PLXNA2: variants seen among roughly 807,000 people sequenced by gnomAD.
PLXNA2 encodes the protein plexin-A2.
Under a neutral mutation model 193.5 loss-of-function variants are expected in PLXNA2, and 91 were observed. The observed-to-expected ratio is 0.47, with a 90% confidence interval of 0.40 to 0.56. The LOEUF is 0.56. PLXNA2 is among the 20% of genes least tolerant of loss of function. The probability of loss-of-function intolerance (pLI) is 0.00; values close to 1 mark genes in which losing one functional copy is unlikely to be tolerated. For missense variants in PLXNA2, 1,995 were observed against 2,503.2 expected, an observed-to-expected ratio of 0.80 and a Z score of 4.33; for synonymous variants, 997 against 1,027.3, an observed-to-expected ratio of 0.97 and a Z score of 0.56.
At chr1:208,144,457 C>A (rs1049843685) in intron 3 of PLXNA2, among the ~76,000 whole-genome samples, 4 of 152,186 alleles carry the variant, frequency 2.6e-5, no homozygotes, top group Admixed American at 2.6e-4. Flanking sequence ...GGGAAACAGA[C>A]CATGAGTCCA....
At chr1:208,219,580 C>T (rs1671255591) in intron 1 of PLXNA2, among the ~76,000 whole-genome samples, 2 of 152,248 alleles carry the variant, frequency 1.3e-5, no homozygotes, top group African/African-American at 4.8e-5. Flanking sequence ...TCTCCCTCAA[C>T]TCCCCATTCT....
intron 4 of PLXNA2, among the ~76,000 whole-genome samples, chr1:208,110,674 G>T (rs890842597): frequency 6.6e-6 from 1 of 152,130 alleles, no homozygotes; most frequent in Non-Finnish European, 1.5e-5. Context: ...CTTAAGTAAC[G>T]CAGGTAAGGT....
intron 1 of PLXNA2, among the ~76,000 whole-genome samples, chr1:208,221,631 G>A (rs1671341336): frequency 6.6e-6 from 1 of 152,056 alleles, no homozygotes; most frequent in Admixed American, 6.5e-5. Context: ...TTGGGAGTGT[G>A]GCCTTCATGA....
At chr1:208,098,998 CA>C (rs1342040216) in intron 5 of PLXNA2, 29 bp from the exon 6 acceptor site, 2 of 1,610,430 alleles carry the variant, frequency 1.2e-6, no homozygotes, top group African/African-American at 2.7e-5. Flanking sequence ...CACAAGAGGT[CA>C]GGCCTCTGGG....
At chr1:208,074,313 C>T (rs1360197198) in intron 12 of PLXNA2, among the ~76,000 whole-genome samples, 1 of 152,154 alleles carries the variant, frequency 6.6e-6, no homozygotes, top group Admixed American at 6.5e-5. Context: ...CATGGGCTTT[C>T]CAATCCTCTG....
intron 12 of PLXNA2, among the ~76,000 whole-genome samples, chr1:208,066,822 A>G (rs1665811703): frequency 6.6e-6 from 1 of 152,192 alleles, no homozygotes; most frequent in South Asian, 2.1e-4. Flanking sequence ...AGTGATATGG[A>G]TGATCCTGAC....
chr1:208,141,824 C>T (rs1668463479), intron 4 of PLXNA2, among the ~76,000 whole-genome samples: 1 of 152,254 alleles, frequency 6.6e-6, no homozygotes, highest in Admixed American at 6.5e-5. Flanking sequence ...CTCAGGGCTT[C>T]CCATCTCCAT....
At chr1:208,210,003 TTGC>T in intron 3 of PLXNA2, 1 of 181,434 alleles carries the variant, frequency 5.5e-6, no homozygotes, top group Non-Finnish European at 1.1e-5. Context: ...TTTTTTTTTT[TTGC>T]TTTTGCAGAT....
intron 3 of PLXNA2, among the ~76,000 whole-genome samples, chr1:208,146,337 G>A (rs1403807077): frequency 6.6e-6 from 1 of 152,198 alleles, no homozygotes; most frequent in African/African-American, 2.4e-5. Flanking sequence ...CAATCTGCTT[G>A]GTGCCTATCA....
intron 9 of PLXNA2, among the ~76,000 whole-genome samples, chr1:208,086,971 C>G (rs1488562869): frequency 1.4e-5 from 1 of 72,298 alleles, no homozygotes; most frequent in South Asian, 5.6e-4. Flanking sequence ...CTCTCTCTCT[C>G]TCTCTCTCTG....
Position 208,038,844 on chromosome 1 carries a change from C to T in PLXNA2, c.4641G>A (p.Arg1547=). The change falls in exon 25 of 32, where the codon AGG becomes AGA. Residue 1547 remains arginine (R), a synonymous_variant. Transcript: ENST00000367033. This position sits in a 1 kb window ranked among gnomAD's most constrained non-coding sequence, Gnocchi z 4.1. The part of the protein sequence containing the change: ...YKNVPYSQRP[R]AVDMDLEWRQ... ...TCCTACCCAAGTCCATGTCCACTGC[C>T]CTCGGCCGCTGGGAATAGGGCACAT... The T allele has an allele frequency of 1.2e-6, 2 of 1,614,048 alleles. No homozygotes were observed. Among genetic ancestry groups the T allele is most frequent in the Non-Finnish European group, 8.5e-7 (1 of 1,179,966 alleles).
intron 4 of PLXNA2, among the ~76,000 whole-genome samples, chr1:208,114,949 T>C (rs1667593170): frequency 6.6e-6 from 1 of 152,244 alleles, no homozygotes; most frequent in South Asian, 2.1e-4. Context: ...GAGTCTCCTA[T>C]ACTTACATTG....
intron 4 of PLXNA2, among the ~76,000 whole-genome samples, chr1:208,122,664 T>C (rs1395536024): frequency 6.7e-6 from 1 of 150,322 alleles, no homozygotes; most frequent in Non-Finnish European, 1.5e-5. Flanking sequence ...AGTAGGAAAA[T>C]AAGGAAAAAA....
intron 5 of PLXNA2, among the ~76,000 whole-genome samples, chr1:208,102,733 A>G (rs961867718): frequency 2.6e-5 from 4 of 152,238 alleles, no homozygotes; most frequent in Non-Finnish European, 4.4e-5. Context: ...GTCACACAGC[A>G]GCTAGCTGGA....
chr1:208,135,851 A>G (rs1668285354), intron 4 of PLXNA2, among the ~76,000 whole-genome samples: 1 of 152,180 alleles, frequency 6.6e-6, no homozygotes, highest in Non-Finnish European at 1.5e-5. Flanking sequence ...TCAGAATCAC[A>G]TGGGTGTTGG....
At chr1:208,075,914 C>T (rs1055999514) in intron 12 of PLXNA2, among the ~76,000 whole-genome samples, 1 of 151,930 alleles carries the variant, frequency 6.6e-6, no homozygotes, top group Admixed American at 6.6e-5. Context: ...AAAAATTAGC[C>T]AGGCGTGGTG....
Position 208,028,702 on chromosome 1 carries a change from G to T in PLXNA2, c.5438+128C>A. The T allele has an allele frequency of 1.3e-6, 1 of 789,316 alleles. No homozygotes were observed. 48.9% of individuals were successfully genotyped at this position (789,316 alleles called of 1,614,324 possible). A position where few individuals can be genotyped will look rare whatever the true frequency, so the allele number is the denominator to read the frequency against. On this transcript the variant is annotated intron_variant, in intron 30 of 31. Transcript: ENST00000367033. The surrounding 1 kb of genome is among the most constrained non-coding windows in gnomAD (Gnocchi z 4.2). The stretch of plus-strand genomic sequence containing the variant: ...TCCTCCCGCAGCAGGGGGTGTGGCA[G>T]GGAGGGGAGTGGGAGGTCCTGAAGA...
chr1:208,219,159 C>T (rs1409647676), intron 1 of PLXNA2, among the ~76,000 whole-genome samples: 1 of 152,220 alleles, frequency 6.6e-6, no homozygotes, highest in African/African-American at 2.4e-5. Context: ...CTTTAAGGCT[C>T]CTCCACTTCC....
chr1:208,171,652 C>A (rs531505114), intron 3 of PLXNA2, among the ~76,000 whole-genome samples: 1 of 152,244 alleles, frequency 6.6e-6, no homozygotes, highest in South Asian at 2.1e-4. Flanking sequence ...AGTTTGACAC[C>A]AGTCTGGGTA....
Sources: gnomAD v4.1 joint callset for allele counts (sites outside exome capture counted in the v4.1 genomes callset) on GRCh38, gnomAD v4.1.1 for gene constraint, Gnocchi (gnomAD v3.1) non-coding constraint, MANE v1.5 for transcripts, NCBI Gene and HGNC (gene_info 2026-07-23, HGNC 2026-07-21) for gene names.